Variants in RPS6KC1 observed in about 807,000 individuals in gnomAD.
The protein encoded by RPS6KC1 is inactive ribosomal protein S6 kinase delta-1.
RPS6KC1 carries 54 observed loss-of-function variants against 103.8 expected under a neutral mutation model. That is an observed-to-expected ratio of 0.52 (90% CI 0.42 to 0.65). The LOEUF (loss-of-function observed/expected upper bound fraction) is 0.65. Ranked by LOEUF, RPS6KC1 falls within the 30% of genes least tolerant of loss-of-function variation. The probability of loss-of-function intolerance (pLI) is 0.00; values close to 1 mark genes in which losing one functional copy is unlikely to be tolerated. For synonymous variants in RPS6KC1, 439 were observed against 438.7 expected (o/e 1.00, Z -0.01); for missense variants, 1,151 against 1,253.8 (o/e 0.92, Z 1.24).
the RPS6KC1 span, among the ~76,000 whole-genome samples, chr1:213,611,697 G>A: frequency 6.6e-6 from 1 of 152,160 alleles, no homozygotes; most frequent in African/African-American, 2.4e-5. Context: ...GAAGCTCCTT[G>A]GCGGAGTTGC....
chr1:213,203,066 A>T (rs977280814), intron 8 of RPS6KC1, among the ~76,000 whole-genome samples: 10 of 152,112 alleles, frequency 6.6e-5, no homozygotes, highest in Admixed American at 3.9e-4. Context: ...GCACATTTTA[A>T]ACTCTCCAGA....
At chr1:213,572,191 C>T in the RPS6KC1 span, among the ~76,000 whole-genome samples, 809 of 152,270 alleles carry the variant, frequency 5.3e-3, 4 homozygotes, top group Non-Finnish European at 8.9e-3. Context: ...AGAGAGGTCT[C>T]GGAGGCCAAG....
chr1:213,376,406 T>C, the RPS6KC1 span, among the ~76,000 whole-genome samples: 1 of 151,882 alleles, frequency 6.6e-6, no homozygotes, highest in Non-Finnish European at 1.5e-5. Flanking sequence ...CTATTTTTTT[T>C]AAAATTGCAT....
chr1:213,545,411 T>TAAATAAAAA, the RPS6KC1 span, among the ~76,000 whole-genome samples: 5 of 75,256 alleles, frequency 6.6e-5, no homozygotes, highest in South Asian at 4.5e-4. Flanking sequence ...AATAAATAAA[T>TAAATAAAAA]AAATAAAATA....
chr1:213,504,942 T>A, the RPS6KC1 span, among the ~76,000 whole-genome samples: 1 of 152,182 alleles, frequency 6.6e-6, no homozygotes, highest in Non-Finnish European at 1.5e-5. Context: ...TTGTGATGTT[T>A]ACCTCATTCC....
the RPS6KC1 span, among the ~76,000 whole-genome samples, chr1:213,532,497 A>T: frequency 1.3e-5 from 2 of 152,158 alleles, no homozygotes; most frequent in Admixed American, 6.5e-5. Context: ...AACACTGAAG[A>T]TAGTAGGAGA....
chr1:213,299,496 G>A, the RPS6KC1 span, among the ~76,000 whole-genome samples: 1 of 142,054 alleles, frequency 7.0e-6, no homozygotes, highest in African/African-American at 2.6e-5. Flanking sequence ...AGGTTGCAGT[G>A]AGCCAAGATG....
chr1:213,655,715 T>A, the RPS6KC1 span, among the ~76,000 whole-genome samples: 1 of 152,228 alleles, frequency 6.6e-6, no homozygotes, highest in South Asian at 2.1e-4. Flanking sequence ...AGGGACCTGC[T>A]GTGAAACATT....
the RPS6KC1 span, among the ~76,000 whole-genome samples, chr1:213,557,632 G>A: frequency 1.3e-5 from 2 of 152,140 alleles, no homozygotes; most frequent in Non-Finnish European, 2.9e-5. Context: ...TACTATGTGG[G>A]TATTTTAATA....
At chr1:213,131,036 G>A (rs1387259506) in intron 6 of RPS6KC1, among the ~76,000 whole-genome samples, 2 of 151,810 alleles carry the variant, frequency 1.3e-5, no homozygotes, top group Non-Finnish European at 2.9e-5. Flanking sequence ...TGACTGCCAT[G>A]TTAATAGAGT....
the RPS6KC1 span, among the ~76,000 whole-genome samples, chr1:213,388,851 G>C: frequency 1.3e-5 from 2 of 152,326 alleles, no homozygotes; most frequent in East Asian, 3.9e-4. Flanking sequence ...TAAAAGACAA[G>C]ACCAAACAAA....
At chr1:213,419,276 G>A in the RPS6KC1 span, among the ~76,000 whole-genome samples, 1 of 152,318 alleles carries the variant, frequency 6.6e-6, no homozygotes, top group South Asian at 2.1e-4. Flanking sequence ...TATCCACATT[G>A]TCCGGTTTTG....
the RPS6KC1 span, among the ~76,000 whole-genome samples, chr1:213,296,265 G>A: frequency 6.6e-6 from 1 of 152,226 alleles, no homozygotes; most frequent in African/African-American, 2.4e-5. Flanking sequence ...TTGGCCCTCA[G>A]AATCTCGACA....
chr1:213,340,321 C>T, the RPS6KC1 span, among the ~76,000 whole-genome samples: 2 of 152,082 alleles, frequency 1.3e-5, no homozygotes, highest in East Asian at 1.9e-4. Flanking sequence ...GCTTTGCTGC[C>T]GGATTGGGTT....
chr1:213,775,722 A>G, the RPS6KC1 span, among the ~76,000 whole-genome samples: 45 of 152,294 alleles, frequency 3.0e-4, no homozygotes, highest in African/African-American at 1.1e-3. Flanking sequence ...CAAGACAACA[A>G]TGAAGTTTGC....
At chr1:213,726,127 C>T in the RPS6KC1 span, among the ~76,000 whole-genome samples, 1 of 152,114 alleles carries the variant, frequency 6.6e-6, no homozygotes, top group African/African-American at 2.4e-5. Flanking sequence ...TTCTGTCACC[C>T]AGGCTGGAGT....
At chr1:213,830,378 G>A in the RPS6KC1 span, among the ~76,000 whole-genome samples, 2 of 151,980 alleles carry the variant, frequency 1.3e-5, no homozygotes, top group African/African-American at 4.8e-5. Flanking sequence ...TCCCCCCAAT[G>A]GATAAACTTA....
the RPS6KC1 span, among the ~76,000 whole-genome samples, chr1:213,309,923 G>T: frequency 6.6e-6 from 1 of 152,132 alleles, no homozygotes; most frequent in African/African-American, 2.4e-5. Context: ...CACCTCAGGT[G>T]ATCCACCTGC....
At chr1:213,780,010 C>T in the RPS6KC1 span, among the ~76,000 whole-genome samples, 4 of 152,232 alleles carry the variant, frequency 2.6e-5, no homozygotes, top group South Asian at 6.2e-4. Context: ...AGAAAGAAGA[C>T]AGAACATGCT....
Sources: allele counts gnomAD v4.1 joint callset (sites outside exome capture counted in the v4.1 genomes callset), GRCh38; gene constraint gnomAD v4.1.1; transcripts MANE v1.5; gene names NCBI Gene and HGNC (gene_info 2026-07-23, HGNC 2026-07-21).